Variants in SEMA3A observed in about 807,000 individuals in gnomAD.
SEMA3A encodes the protein semaphorin 3A.
Under a neutral mutation model 97.9 loss-of-function variants are expected in SEMA3A, and 29 were observed. The observed-to-expected ratio is 0.30, with a 90% confidence interval of 0.22 to 0.40. The LOEUF (loss-of-function observed/expected upper bound fraction) is 0.40, where lower values mean the gene tolerates loss of function less well. Among genes scored for constraint, SEMA3A ranks in the 10% least tolerant of loss-of-function variants. The pLI, the probability that SEMA3A is intolerant of heterozygous loss-of-function variation, is 1.00. For synonymous variants in SEMA3A, 321 were observed against 323.7 expected, an observed-to-expected ratio of 0.99 and a Z score of 0.09; for missense variants, 763 against 951.3, an observed-to-expected ratio of 0.80 and a Z score of 2.60.
At chr7:84,365,399 C>T (rs930212870) in intron 2 of SEMA3A, among the ~76,000 whole-genome samples, 4 of 151,478 alleles carry the variant, frequency 2.6e-5, no homozygotes, top group South Asian at 2.1e-4. Flanking sequence ...AATGCCCACT[C>T]TATACTTGAA....
intron 3 of SEMA3A, among the ~76,000 whole-genome samples, chr7:84,266,457 G>T (rs1459632332): frequency 6.6e-6 from 1 of 151,928 alleles, no homozygotes; most frequent in African/African-American, 2.4e-5. Flanking sequence ...TTTTTTGTGG[G>T]TCTCTAACTA....
At chr7:84,129,269 G>T in intron 2 of SEMA3A, 84 bp from the exon 3 acceptor site, 1 of 1,119,802 alleles carries the variant, frequency 8.9e-7, no homozygotes, top group East Asian at 2.4e-5. Context: ...GATGACATTG[G>T]GGCAACTGAA....
At chr7:84,164,153 C>T (rs1443563293) in intron 1 of SEMA3A, among the ~76,000 whole-genome samples, 1 of 151,974 alleles carries the variant, frequency 6.6e-6, no homozygotes, top group Non-Finnish European at 1.5e-5. Flanking sequence ...CCACACAGTA[C>T]TATTTTTACC....
intron 1 of SEMA3A, among the ~76,000 whole-genome samples, chr7:84,388,793 G>A (rs765153800): frequency 2.0e-5 from 3 of 151,984 alleles, no homozygotes; most frequent in Non-Finnish European, 4.4e-5. Context: ...AAGCCCCGCA[G>A]CATTTCTCCT....
At chr7:84,475,729 G>T (rs1411525171) in intron 1 of SEMA3A, among the ~76,000 whole-genome samples, 1 of 152,012 alleles carries the variant, frequency 6.6e-6, no homozygotes, top group African/African-American at 2.4e-5. Flanking sequence ...CAGGAATATG[G>T]GTTTACTTAC....
intron 3 of SEMA3A, among the ~76,000 whole-genome samples, chr7:84,292,434 T>A (rs1300336263): frequency 1.3e-4 from 19 of 141,478 alleles, no homozygotes; most frequent in African/African-American, 4.8e-4. Flanking sequence ...AATACTTGAC[T>A]AAAAAAAAAA....
intron 1 of SEMA3A, among the ~76,000 whole-genome samples, chr7:84,455,323 T>C (rs1046877732): frequency 1.3e-5 from 2 of 151,976 alleles, no homozygotes; most frequent in African/African-American, 2.4e-5. Flanking sequence ...CAATGCATTC[T>C]TTTCAAATAT....
intron 4 of SEMA3A, among the ~76,000 whole-genome samples, chr7:84,080,429 A>G (rs1185399844): frequency 6.6e-6 from 1 of 152,148 alleles, no homozygotes; most frequent in Non-Finnish European, 1.5e-5. Flanking sequence ...ATTCATATTT[A>G]TTGGACATTT....
chr7:84,127,477 C>A (rs1795833730), intron 3 of SEMA3A, among the ~76,000 whole-genome samples: 3 of 152,122 alleles, frequency 2.0e-5, no homozygotes, highest in African/African-American at 7.2e-5. Flanking sequence ...CTCTTACCCC[C>A]ATTACAAAAC....
chr7:84,079,160 C>T (rs545345266), intron 4 of SEMA3A, among the ~76,000 whole-genome samples: 9 of 151,882 alleles, frequency 5.9e-5, no homozygotes, highest in African/African-American at 1.4e-4. Context: ...TTTTTAACTA[C>T]AATGTTTGAT....
chr7:83,999,189 T>A (rs1790338664), intron 12 of SEMA3A, among the ~76,000 whole-genome samples: 1 of 152,220 alleles, frequency 6.6e-6, no homozygotes, highest in Admixed American at 6.5e-5. Context: ...AATGTTGTTA[T>A]GCAGCGCATG....
intron 1 of SEMA3A, among the ~76,000 whole-genome samples, chr7:84,155,452 C>CA (rs1796815970): frequency 6.6e-6 from 1 of 152,084 alleles, no homozygotes; most frequent in African/African-American, 2.4e-5. Context: ...TCCTTCTTCC[C>CA]AAACAACTTG....
At chr7:84,488,811 G>A (rs1000618776) in intron 1 of SEMA3A, among the ~76,000 whole-genome samples, 5 of 152,064 alleles carry the variant, frequency 3.3e-5, no homozygotes, top group African/African-American at 4.8e-5. Flanking sequence ...AACTATTTAC[G>A]CTTTATTTGA....
At chr7:84,271,963 G>A (rs1327894732) in intron 3 of SEMA3A, among the ~76,000 whole-genome samples, 1 of 151,982 alleles carries the variant, frequency 6.6e-6, no homozygotes, top group Non-Finnish European at 1.5e-5. Context: ...TGCAAGCACT[G>A]AGTCTGTTTA....
At chr7:84,302,294 T>C (rs1182089621) in intron 3 of SEMA3A, among the ~76,000 whole-genome samples, 1 of 152,184 alleles carries the variant, frequency 6.6e-6, no homozygotes, top group African/African-American at 2.4e-5. Flanking sequence ...TTGCTTGTGA[T>C]AATGGTTTAA....
intron 1 of SEMA3A, among the ~76,000 whole-genome samples, chr7:84,478,302 C>G (rs1806355082): frequency 6.6e-6 from 1 of 152,134 alleles, no homozygotes; most frequent in Non-Finnish European, 1.5e-5. Flanking sequence ...TCTACCTGAC[C>G]TCACCCTAAG....
intron 13 of SEMA3A, among the ~76,000 whole-genome samples, chr7:83,983,144 G>GA (rs1789484660): frequency 6.6e-6 from 1 of 151,918 alleles, no homozygotes; most frequent in Admixed American, 6.6e-5. Flanking sequence ...AATTCTTTGG[G>GA]AAAAATAGAT....
intron 1 of SEMA3A, among the ~76,000 whole-genome samples, chr7:84,162,719 C>G (rs559963119): frequency 6.6e-6 from 1 of 152,148 alleles, no homozygotes; most frequent in African/African-American, 2.4e-5. Context: ...CATAAACAAC[C>G]AGAGAGCTTG....
chr7:84,292,858 GGT>G (rs1443471228), intron 3 of SEMA3A, among the ~76,000 whole-genome samples: 1 of 151,892 alleles, frequency 6.6e-6, no homozygotes, highest in Non-Finnish European at 1.5e-5. Flanking sequence ...ATATTTTATA[GGT>G]TATTTATGTT....
Sources: gnomAD v4.1 joint callset for allele counts (sites outside exome capture counted in the v4.1 genomes callset) on GRCh38, gnomAD v4.1.1 for gene constraint, MANE v1.5 for transcripts, NCBI Gene and HGNC (gene_info 2026-07-23, HGNC 2026-07-21) for gene names.